Variants in PCDHGA7 observed in about 807,000 individuals in gnomAD.
PCDHGA7 encodes the protein protocadherin gamma subfamily A, 7.
A neutral mutation model predicts 58.3 loss-of-function variants in PCDHGA7; 44 were observed. That is an observed-to-expected ratio of 0.75 (90% confidence interval 0.59 to 0.97). The LOEUF (loss-of-function observed/expected upper bound fraction) is 0.97. PCDHGA7 is among the 50% of genes least tolerant of loss of function. The pLI, the probability that PCDHGA7 is intolerant of heterozygous loss-of-function variation, is 0.00. For synonymous variants in PCDHGA7, 516 were observed against 504.2 expected (o/e 1.02, Z -0.31); for missense variants, 1,266 against 1,188.7 (o/e 1.06, Z -0.96).
In PCDHGA7 at chr5:141,409,971, A is replaced by G. The variant is rs758876775; in HGVS notation, c.2424+24648A>G. On this transcript the variant is annotated intron_variant, in intron 1 of 3. Coordinates refer to ENST00000518325, the MANE Select transcript of PCDHGA7 (RefSeq NM_018920.4). ...GCAGAGCCCGGCTACCTAGTGACTAAGGTGGTAGCGGTGGACGCCGACTCG... is the reference window on the plus strand; with the variant it reads ...GCAGAGCCCGGCTACCTAGTGACTAGGGTGGTAGCGGTGGACGCCGACTCG... 2.9e-5 allele frequency: 47 copies of G among 1,613,202 alleles called. No homozygotes were observed. The highest frequency in any genetic ancestry group is 3.8e-5 in the Non-Finnish European group (45 of 1,179,806).
intron 1 of PCDHGA7, chr5:141,409,000 C>CACTG: frequency 6.2e-7 from 1 of 1,613,950 alleles, no homozygotes; most frequent in Non-Finnish European, 8.5e-7. Flanking sequence ...AAGTGACAGC[C>CACTG]ACTGACCAGG....
intron 1 of PCDHGA7, chr5:141,414,906 A>C (rs749933537): frequency 6.2e-7 from 1 of 1,614,146 alleles, no homozygotes; most frequent in Admixed American, 1.7e-5. Context: ...ACGGTTCCAC[A>C]GGCGTGGAGC....
At chr5:141,399,847 G>T (rs746731144) in intron 1 of PCDHGA7, 19 of 1,612,874 alleles carry the variant, frequency 1.2e-5, no homozygotes, top group Middle Eastern at 1.7e-4. Flanking sequence ...CTTCGATATG[G>T]TGCCGCGCGC....
At chr5:141,390,565 G>A in intron 1 of PCDHGA7, 2 of 420,818 alleles carry the variant, frequency 4.8e-6, no homozygotes, top group Non-Finnish European at 8.5e-6. Context: ...ACAGTTGTTG[G>A]CTCTCTCCTA....
rs774780380 is a variant in PCDHGA7 at position 141,432,864 on chromosome 5, G to C, written c.2424+47541G>C. Reference sequence around the variant, plus strand: ...GTGGTAGCGGTGGCCGCGGTCTCCTGCGTCTTCCTGGCCTTCGTCATCTTG... The same window carrying C: ...GTGGTAGCGGTGGCCGCGGTCTCCTCCGTCTTCCTGGCCTTCGTCATCTTG... On this transcript the variant is annotated intron_variant, in intron 1 of 3. Coordinates refer to ENST00000518325, the MANE Select transcript of PCDHGA7 (RefSeq NM_018920.4). The surrounding 1 kb of genome is among the most constrained non-coding windows in gnomAD (Gnocchi z 6.0). 6.2e-7 allele frequency: 1 copy of C among 1,614,168 alleles called. No homozygotes were observed.
intron 1 of PCDHGA7, among the ~76,000 whole-genome samples, chr5:141,436,320 G>A (rs1158221950): frequency 6.6e-6 from 1 of 152,120 alleles, no homozygotes; most frequent in African/African-American, 2.4e-5. Flanking sequence ...AGTCAAGACT[G>A]TTAGACCATA....
chr5:141,432,071 AT>A lies in PCDHGA7; in HGVS notation c.2424+46749del. 1 of 1,614,158 alleles carries A rather than the reference AT, an allele frequency of 6.2e-7. No individual in the cohort carries two copies. Among genetic ancestry groups the A allele is most frequent in the Non-Finnish European group, 8.5e-7 (1 of 1,180,032 alleles). ...CCCGCCCCTATCCACGGAAACTCAT[AT>A]CTCGCTGAACGTGGCAGACACCAAC... On this transcript the variant is annotated intron_variant, in intron 1 of 3. Transcript: ENST00000518325. The surrounding 1 kb of genome is among the most constrained non-coding windows in gnomAD (Gnocchi z 6.0).
At chr5:141,464,862 C>T (rs1166573359) in intron 1 of PCDHGA7, among the ~76,000 whole-genome samples, 1 of 152,076 alleles carries the variant, frequency 6.6e-6, no homozygotes, top group African/African-American at 2.4e-5. Context: ...CCTTAGCCTC[C>T]CAAGTAGCTA....
In PCDHGA7 at chr5:141,489,633, T is replaced by C. The variant is rs1298084961; in HGVS notation, c.2425-5174T>C. On this transcript the variant is annotated intron_variant, in intron 1 of 3. Coordinates refer to ENST00000518325, the MANE Select transcript of PCDHGA7 (RefSeq NM_018920.4). The surrounding 1 kb of genome is among the most constrained non-coding windows in gnomAD (Gnocchi z 4.5). ...TCCTGGATCTCAATGACAACTCTCC[T>C]AGCTTTGCCACCCCTGAGCGAGAGA... The C allele has an allele frequency of 6.2e-7, 1 of 1,614,160 alleles. No individual in the cohort carries two copies. Among genetic ancestry groups the C allele is most frequent in the South Asian group, 1.1e-5 (1 of 91,086 alleles).
chr5:141,497,414 C>A (rs1021294577), intron 2 of PCDHGA7, among the ~76,000 whole-genome samples: 34 of 152,066 alleles, frequency 2.2e-4, no homozygotes, highest in Admixed American at 2.0e-3. Flanking sequence ...CCCATTCCAT[C>A]AAATGAGAGG....
At chr5:141,427,156 T>G (rs533425641) in intron 1 of PCDHGA7, 10 of 456,890 alleles carry the variant, frequency 2.2e-5, no homozygotes, top group African/African-American at 2.0e-4. Flanking sequence ...AATATGTTTG[T>G]GCTAGACCAT....
intron 1 of PCDHGA7, among the ~76,000 whole-genome samples, chr5:141,406,775 CACTT>C (rs2094850405): frequency 6.6e-6 from 1 of 152,200 alleles, no homozygotes; most frequent in Non-Finnish European, 1.5e-5. Context: ...ATATTTCTCT[CACTT>C]ATATATTATT....
intron 1 of PCDHGA7, among the ~76,000 whole-genome samples, chr5:141,455,519 G>T (rs1439363688): frequency 1.3e-5 from 2 of 152,158 alleles, no homozygotes; most frequent in East Asian, 3.9e-4. Flanking sequence ...TCAGGGGATT[G>T]GTTTGACCAG....
chr5:141,423,230 G>A (rs1223173152), intron 1 of PCDHGA7: 1 of 1,613,872 alleles, frequency 6.2e-7, no homozygotes, highest in East Asian at 2.2e-5. Flanking sequence ...GTGGCCGACA[G>A]CATCCCCGAA....
chr5:141,410,251 C>A (rs2095372140), intron 1 of PCDHGA7: 5 of 1,613,898 alleles, frequency 3.1e-6, no homozygotes, highest in African/African-American at 1.3e-5. Context: ...TACTCTCTGA[C>A]CCCCAGGCTG....
At chr5:141,466,621 T>A (rs911794654) in intron 1 of PCDHGA7, among the ~76,000 whole-genome samples, 1 of 152,208 alleles carries the variant, frequency 6.6e-6, no homozygotes, top group Non-Finnish European at 1.5e-5. Context: ...GCCGTTTTCT[T>A]TGGAGCATTG....
intron 1 of PCDHGA7, chr5:141,405,358 A>G (rs567878422): frequency 6.2e-7 from 1 of 1,613,900 alleles, no homozygotes; most frequent in East Asian, 2.2e-5. Context: ...TTCCTATAGA[A>G]GACACCCCTT....
intron 1 of PCDHGA7, among the ~76,000 whole-genome samples, chr5:141,468,921 G>A (rs1254189500): frequency 6.6e-6 from 1 of 151,342 alleles, no homozygotes; most frequent in African/African-American, 2.4e-5. Context: ...GAAGAGAATA[G>A]CACTAAAATG....
chr5:141,415,408 G>T, intron 1 of PCDHGA7: 1 of 1,614,224 alleles, frequency 6.2e-7, no homozygotes, highest in Non-Finnish European at 8.5e-7. Context: ...CTCGCACTTT[G>T]TGGGCGTGGA....
Sources: gnomAD v4.1 joint callset for allele counts (sites outside exome capture counted in the v4.1 genomes callset) on GRCh38, gnomAD v4.1.1 for gene constraint, Gnocchi (gnomAD v3.1) non-coding constraint, MANE v1.5 for transcripts, NCBI Gene and HGNC (gene_info 2026-07-23, HGNC 2026-07-21) for gene names.